The following ERP44 variants were observed in gnomAD, a reference collection of about 807,000 sequenced individuals.
ERP44 encodes endoplasmic reticulum protein 44, also known as endoplasmic reticulum resident protein 44.
Under a neutral mutation model 53.4 loss-of-function variants are expected in ERP44, and 25 were observed. The ratio of observed to expected loss-of-function variants is 0.47; its 90% CI spans 0.34 to 0.65. The LOEUF (loss-of-function observed/expected upper bound fraction) is 0.65. Ranked by LOEUF, ERP44 falls within the 30% of genes least tolerant of loss-of-function variation. The pLI, the probability that ERP44 is intolerant of heterozygous loss-of-function variation, is 0.01. For missense variants in ERP44, 338 were observed against 493.2 expected, an observed-to-expected ratio of 0.69 and a Z score of 2.98; for synonymous variants, 145 against 161.2, an observed-to-expected ratio of 0.90 and a Z score of 0.76.
intron 1 of ERP44, among the ~76,000 whole-genome samples, chr9:100,064,918 C>T (rs1273695429): frequency 2.6e-5 from 4 of 152,042 alleles, no homozygotes; most frequent in African/African-American, 9.7e-5. Flanking sequence ...GTATTTTAAC[C>T]TCCATATTAT....
chr9:99,994,224 T>G (rs1465757604), intron 10 of ERP44, among the ~76,000 whole-genome samples: 1 of 152,170 alleles, frequency 6.6e-6, no homozygotes, highest in African/African-American at 2.4e-5. Flanking sequence ...GCGGCACTAT[T>G]CACAATAGCA....
At chr9:100,065,433 G>A (rs537082992) in intron 1 of ERP44, among the ~76,000 whole-genome samples, 5 of 152,042 alleles carry the variant, frequency 3.3e-5, no homozygotes, top group South Asian at 2.1e-4. Context: ...CATGCCATGC[G>A]TGACTGTACT....
intron 11 of ERP44, 21 bp from the exon 12 acceptor site, chr9:99,982,734 C>T: frequency 6.9e-7 from 1 of 1,451,606 alleles, no homozygotes; most frequent in South Asian, 1.2e-5. Flanking sequence ...AAGAATAAAA[C>T]ATTTTTATAC....
intron 1 of ERP44, among the ~76,000 whole-genome samples, chr9:100,070,433 CAA>C (rs938106429): frequency 3.3e-5 from 5 of 152,174 alleles, no homozygotes; most frequent in African/African-American, 1.2e-4. Flanking sequence ...ATAATTCCTG[CAA>C]AGTCATTATA....
At chr9:100,048,274 T>C (rs1587974193) in intron 4 of ERP44, among the ~76,000 whole-genome samples, 1 of 152,062 alleles carries the variant, frequency 6.6e-6, no homozygotes, top group East Asian at 1.9e-4. Flanking sequence ...ATACATATGT[T>C]AACAAACCTG....
chr9:100,044,348 T>C (rs560039067), intron 4 of ERP44, among the ~76,000 whole-genome samples: 1 of 152,288 alleles, frequency 6.6e-6, no homozygotes, highest in African/African-American at 2.4e-5. Context: ...ATTATTGTCA[T>C]TATTAACATC....
At chr9:100,044,062 A>G (rs148214314) in intron 4 of ERP44, among the ~76,000 whole-genome samples, 146 of 152,224 alleles carry the variant, frequency 9.6e-4, no homozygotes, top group African/African-American at 3.4e-3. Flanking sequence ...GTTGTAGTTC[A>G]TTTTTTCTTT....
intron 1 of ERP44, among the ~76,000 whole-genome samples, chr9:100,067,466 T>C (rs1729651657): frequency 6.6e-6 from 1 of 152,216 alleles, no homozygotes; most frequent in African/African-American, 2.4e-5. Flanking sequence ...GTGCCGGGAT[T>C]GCAGACGGAG....
intron 10 of ERP44, among the ~76,000 whole-genome samples, chr9:100,004,518 G>A (rs1227609161): frequency 6.6e-6 from 1 of 152,198 alleles, no homozygotes; most frequent in Non-Finnish European, 1.5e-5. Flanking sequence ...CCTGGAGTCT[G>A]GGGCCACAGA....
chr9:100,044,674 T>G (rs1825948528), intron 4 of ERP44, among the ~76,000 whole-genome samples: 1 of 152,230 alleles, frequency 6.6e-6, no homozygotes, highest in African/African-American at 2.4e-5. Flanking sequence ...CACAATACTC[T>G]GTATACTGCA....
At chr9:100,072,400 A>G (rs1311730744) in intron 1 of ERP44, among the ~76,000 whole-genome samples, 1 of 152,150 alleles carries the variant, frequency 6.6e-6, no homozygotes, top group African/African-American at 2.4e-5. Flanking sequence ...TTAGGAATAT[A>G]CTGTTTACTT....
chr9:100,094,664 A>C (rs1173133903), intron 1 of ERP44, among the ~76,000 whole-genome samples: 1 of 152,136 alleles, frequency 6.6e-6, no homozygotes, highest in Non-Finnish European at 1.5e-5. Flanking sequence ...ACTCAAAAAA[A>C]AAATTAAAAA....
chr9:100,000,115 G>A (rs1830361067), intron 10 of ERP44, among the ~76,000 whole-genome samples: 1 of 152,040 alleles, frequency 6.6e-6, no homozygotes, highest in Non-Finnish European at 1.5e-5. Context: ...TAGTGTCCTA[G>A]TCTGACTTTG....
chr9:100,019,598 T>C (rs549034035), intron 6 of ERP44, among the ~76,000 whole-genome samples: 1 of 149,284 alleles, frequency 6.7e-6, no homozygotes, highest in South Asian at 2.1e-4. Context: ...ATGGTTGAGA[T>C]AACCTCCAAT....
chr9:99,989,034 ATC>A (rs921097533), intron 10 of ERP44, among the ~76,000 whole-genome samples: 36 of 152,284 alleles, frequency 2.4e-4, no homozygotes, highest in African/African-American at 8.4e-4. Flanking sequence ...GCGGCCAGGA[ATC>A]TCGAACTGGG....
At chr9:100,010,166 T>G (rs573825024) in intron 8 of ERP44, among the ~76,000 whole-genome samples, 2 of 152,194 alleles carry the variant, frequency 1.3e-5, no homozygotes, top group Non-Finnish European at 2.9e-5. Context: ...GCTAAATAGG[T>G]GGTAATTCAT....
intron 4 of ERP44, among the ~76,000 whole-genome samples, chr9:100,027,157 A>C (rs1481490572): frequency 3.3e-5 from 5 of 152,226 alleles, no homozygotes; most frequent in African/African-American, 7.2e-5. Context: ...CAAAAAATTC[A>C]CCTGGAAGTA....
rs1830140260 is a variant in ERP44 at position 99,980,720 on chromosome 9, TCAC to T, written c.*1889_*1891del. On this transcript the variant is annotated 3_prime_UTR_variant, in exon 12 of 12. Coordinates refer to ENST00000262455, the MANE Select transcript of ERP44 (RefSeq NM_015051.3). ...TTTAGTTTCCTTGTCCTCAGTGACT[TCAC>T]AGTCCAGAGAAGACAATGATAGTGG... 2 of 152,350 alleles carry T rather than the reference TCAC, an allele frequency of 1.3e-5. No individual in the cohort carries two copies. The highest frequency in any genetic ancestry group is 6.5e-5 in the Admixed American group (1 of 15,314). 9.4% of individuals were successfully genotyped at this position (152,350 alleles called of 1,614,324 possible).
At chr9:100,056,232 A>T (rs772392578) in intron 3 of ERP44, among the ~76,000 whole-genome samples, 3 of 152,232 alleles carry the variant, frequency 2.0e-5, no homozygotes, top group Non-Finnish European at 2.9e-5. Flanking sequence ...GGATTGGACT[A>T]CATAATCTTC....
Sources: allele counts gnomAD v4.1 joint callset (sites outside exome capture counted in the v4.1 genomes callset), GRCh38; gene constraint gnomAD v4.1.1; transcripts MANE v1.5; gene names NCBI Gene and HGNC (gene_info 2026-07-23, HGNC 2026-07-21).